The following PCGF3 variants were observed in gnomAD, a reference collection of about 807,000 sequenced individuals.
The protein encoded by PCGF3 is polycomb group ring finger 3.
PCGF3 carries 7 observed loss-of-function variants against 33.1 expected under a neutral mutation model. The ratio of observed to expected loss-of-function variants is 0.21; its 90% CI spans 0.12 to 0.40. The LOEUF (loss-of-function observed/expected upper bound fraction) is 0.40, where lower values mean the gene tolerates loss of function less well. Ranked by LOEUF, PCGF3 falls within the 10% of genes least tolerant of loss-of-function variation. The pLI is 1.00. For missense variants in PCGF3, 211 were observed against 313.3 expected, an observed-to-expected ratio of 0.67 and a Z score of 2.46; for synonymous variants, 153 against 121.3, an observed-to-expected ratio of 1.26 and a Z score of -1.72.
At chr4:758,433 C>T (rs1744878043) in intron 8 of PCGF3, among the ~76,000 whole-genome samples, 1 of 144,254 alleles carries the variant, frequency 6.9e-6, no homozygotes, top group Non-Finnish European at 1.5e-5. Context: ...CGGCCCCTCT[C>T]CCGAGTTCTT....
At chr4:714,736 T>C (rs1742734435) in intron 1 of PCGF3, among the ~76,000 whole-genome samples, 1 of 152,190 alleles carries the variant, frequency 6.6e-6, no homozygotes, top group Non-Finnish European at 1.5e-5. Flanking sequence ...GGCCCTGACG[T>C]CCTCTTCAGT....
chr4:733,735 C>T, exon 4 of PCGF3: 2 of 1,612,592 alleles, frequency 1.2e-6, no homozygotes. Context: ...CACCTGCCGC[C>T]TGTGCAGCGG....
In PCGF3 at chr4:720,336, C is replaced by T. The variant is rs973254446; in HGVS notation, c.-189-10294C>T. Among the ~76,000 whole-genome samples, 8 of 151,838 alleles carry T rather than the reference C, an allele frequency of 5.3e-5. No individual in the cohort carries two copies. The highest frequency in any genetic ancestry group is 3.3e-4 in the Admixed American group (5 of 15,254). On this transcript the variant is annotated intron_variant, in intron 1 of 10. Transcript: ENST00000362003. This position sits in a 1 kb window ranked among gnomAD's most constrained non-coding sequence, Gnocchi z 5.6. ...CTGGGGAGGGTGACTGCGGGAGGAG[C>T]GCCTGTGCATCGCTGTGGAGGGTGA...
intron 8 of PCGF3, among the ~76,000 whole-genome samples, chr4:756,630 A>G (rs1380615211): frequency 1.3e-5 from 2 of 152,144 alleles, no homozygotes; most frequent in African/African-American, 4.8e-5. Flanking sequence ...ATTGTGTTAC[A>G]TGCACATAAA....
chr4:735,060 G>C (rs777635468), intron 5 of PCGF3, 33 bp downstream of exon 5: 2 of 1,601,514 alleles, frequency 1.2e-6, no homozygotes, highest in South Asian at 1.1e-5. Flanking sequence ...CACAGTACGT[G>C]GGGTGAGTGC....
chr4:766,168 TGTG>T, exon 11 of PCGF3: 1 of 1,033,704 alleles, frequency 9.7e-7, no homozygotes, highest in Non-Finnish European at 1.5e-6. Flanking sequence ...CTGGGTGTCA[TGTG>T]GACCAGACTT....
chr4:763,950 C>T (rs1053599158), intron 9 of PCGF3, among the ~76,000 whole-genome samples: 3 of 152,204 alleles, frequency 2.0e-5, no homozygotes, highest in African/African-American at 7.2e-5. Context: ...TAGAGAAGCC[C>T]CTCTGAAAAG....
rs74968206 is a variant in PCGF3 at position 755,184 on chromosome 4, T to C, written c.463-6095T>C. Among the ~76,000 whole-genome samples, 166 of 152,362 alleles carry C rather than the reference T, an allele frequency of 1.1e-3. 3 individuals are homozygous for C. The East Asian group carries it at 0.028, about 26-fold the overall frequency. ...GTGGCACGTGTTGTTACGCTGTGAC[T>C]TTTTTACACTTAATTTCCCATCTAA... On this transcript the variant is annotated intron_variant, in intron 8 of 10. Transcript: ENST00000362003.
At chr4:761,450 A>C in intron 9 of PCGF3, 34 bp downstream of exon 9, 1 of 1,539,754 alleles carries the variant, frequency 6.5e-7, no homozygotes, top group South Asian at 1.2e-5. Flanking sequence ...AACCATAACA[A>C]GTCCTCTCTT....
chr4:729,049 G>A (rs932239732), intron 1 of PCGF3, among the ~76,000 whole-genome samples: 3 of 139,102 alleles, frequency 2.2e-5, no homozygotes, highest in South Asian at 2.3e-4. Flanking sequence ...ACAGTGAGCC[G>A]AGATTGCACC....
chr4:708,423 G>C (rs759509454), intron 1 of PCGF3, among the ~76,000 whole-genome samples: 19 of 152,138 alleles, frequency 1.2e-4, no homozygotes, highest in Non-Finnish European at 1.6e-4. Context: ...AGTCCACTCA[G>C]CTGGATGCAC....
At chr4:750,072 C>T (rs1744445401) in intron 8 of PCGF3, among the ~76,000 whole-genome samples, 1 of 152,238 alleles carries the variant, frequency 6.6e-6, no homozygotes, top group Admixed American at 6.5e-5. Context: ...CCCAAAGTGC[C>T]AGGATTCCAG....
At chr4:733,255 G>A (rs1045430206) in intron 3 of PCGF3, among the ~76,000 whole-genome samples, 1 of 152,230 alleles carries the variant, frequency 6.6e-6, no homozygotes, top group Non-Finnish European at 1.5e-5. Context: ...AGAGGGTCCA[G>A]GTGCCCAGAG....
chr4:736,452 G>A lies in PCGF3; in HGVS notation c.207-1014G>A, dbSNP rs544208998. The stretch of plus-strand genomic sequence containing the variant: ...ACCCCAGGAAGCACTTGGTGGGAGG[G>A]GCAGGGACAGTGTCCCCTGAGCGCA... On this transcript the variant is annotated intron_variant, in intron 5 of 10. Transcript: ENST00000362003. Among the ~76,000 whole-genome samples the A allele has an allele frequency of 2.4e-4, 37 of 152,320 alleles. No homozygotes were observed. In the South Asian group the frequency reaches 6.8e-3, roughly 28 times the overall value.
chr4:727,996 C>T (rs930081927), intron 1 of PCGF3, among the ~76,000 whole-genome samples: 11 of 152,192 alleles, frequency 7.2e-5, no homozygotes, highest in Middle Eastern at 3.2e-3. Context: ...GACCTGGCTC[C>T]CTGTAGGTTC....
chr4:737,752 T>A (rs1388945036), intron 6 of PCGF3, among the ~76,000 whole-genome samples: 2 of 152,202 alleles, frequency 1.3e-5, no homozygotes, highest in Non-Finnish European at 2.9e-5. Context: ...CAAGTATGGA[T>A]CGCATGTTTA....
At chr4:766,082 G>T in exon 11 of PCGF3, 1 of 1,613,704 alleles carries the variant, frequency 6.2e-7, no homozygotes, top group Non-Finnish European at 8.5e-7. Flanking sequence ...TGCTGTGAAT[G>T]GTGCCACACA....
intron 1 of PCGF3, among the ~76,000 whole-genome samples, chr4:713,428 T>C (rs1185572488): frequency 7.0e-6 from 1 of 142,060 alleles, no homozygotes; most frequent in East Asian, 2.2e-4. Context: ...TCGTGGGGGC[T>C]GTGGCCTCAT....
At chr4:765,428 GTC>G (rs1270532148) in intron 10 of PCGF3, among the ~76,000 whole-genome samples, 10 of 100,168 alleles carry the variant, frequency 1.0e-4, no homozygotes, top group African/African-American at 4.1e-4. Flanking sequence ...GGGAGACTCT[GTC>G]TCAAAAAAAA....
Sources: gnomAD v4.1 joint callset for allele counts (sites outside exome capture counted in the v4.1 genomes callset) on GRCh38, gnomAD v4.1.1 for gene constraint, Gnocchi (gnomAD v3.1) non-coding constraint, MANE v1.5 for transcripts, NCBI Gene and HGNC (gene_info 2026-07-23, HGNC 2026-07-21) for gene names.